The following LRBA variants were observed in gnomAD, a reference collection of about 807,000 sequenced individuals.
LRBA encodes lipopolysaccharide-responsive and beige-like anchor protein.
LRBA carries 176 observed loss-of-function variants against 330.0 expected under a neutral mutation model. The ratio of observed to expected loss-of-function variants is 0.53; its 90% CI spans 0.47 to 0.60. The LOEUF is 0.60. LRBA is among the 20% of genes least tolerant of loss of function. LRBA has a pLI of 0.00. For missense variants in LRBA, 3,259 were observed against 3,444.8 expected (o/e 0.95, Z 1.35); for synonymous variants, 1,230 against 1,193.0 (o/e 1.03, Z -0.64).
intron 22 of LRBA, among the ~76,000 whole-genome samples, chr4:150,866,734 C>T (rs80215217): frequency 0.019 from 2,839 of 152,102 alleles, 88 homozygotes; most frequent in African/African-American, 0.064. Context: ...AATAAATAGT[C>T]ATGTCATGCA....
chr4:150,500,979 GA>G (rs1760185432), intron 40 of LRBA, among the ~76,000 whole-genome samples: 1 of 152,138 alleles, frequency 6.6e-6, no homozygotes, highest in South Asian at 2.1e-4. Flanking sequence ...AGTTATAAAT[GA>G]ATAGTACAGA....
intron 31 of LRBA, among the ~76,000 whole-genome samples, chr4:150,811,500 GT>G (rs1334105594): frequency 6.6e-6 from 1 of 151,592 alleles, no homozygotes; most frequent in Admixed American, 6.6e-5. Flanking sequence ...GGTTTATTGG[GT>G]TTTTTGTTTT....
At position 150,302,695 on chromosome 4, in the gene LRBA, C is replaced by T. The variant is rs1729828968; in HGVS notation, c.7947G>A (p.Gly2649=). 6.2e-7 allele frequency: 1 copy of T among 1,612,966 alleles called. No individual in the cohort carries two copies. The change falls in exon 53 of 57, where the codon GGG becomes GGA. Residue 2649 remains glycine (G), a synonymous_variant. Transcript: ENST00000651943. The part of the protein sequence containing the change: ...YIGGNCYILS[G]SRDATLLLWY... ...ACAGCAAAAGAGTTGCATCACGTGA[C>T]CCTGAGAGAATGTAGCAATTTCCCC...
chr4:150,772,397 A>C (rs1392527594), intron 34 of LRBA, among the ~76,000 whole-genome samples: 2 of 152,170 alleles, frequency 1.3e-5, no homozygotes, highest in African/African-American at 4.8e-5. Flanking sequence ...TATTTGGGCC[A>C]CTTCATGCAA....
intron 2 of LRBA, among the ~76,000 whole-genome samples, chr4:150,939,748 G>T (rs773406071): frequency 2.0e-5 from 3 of 152,050 alleles, no homozygotes; most frequent in Non-Finnish European, 4.4e-5. Flanking sequence ...CTACAACACC[G>T]TACTCTCCTT....
chr4:150,393,211 T>C (rs141470294), intron 47 of LRBA, among the ~76,000 whole-genome samples: 3 of 152,310 alleles, frequency 2.0e-5, no homozygotes, highest in East Asian at 3.9e-4. Flanking sequence ...GTAGAGATTA[T>C]ATATATTCAT....
Position 150,436,941 on chromosome 4 carries a change from C to A in LRBA, c.6781-77G>T, listed in dbSNP as rs1046052736. The A allele has an allele frequency of 2.3e-6, 3 of 1,291,838 alleles. No individual in the cohort carries two copies. The Admixed American group carries it at 5.6e-5, about 24-fold the overall frequency. 80.0% of individuals were successfully genotyped at this position (1,291,838 alleles called of 1,614,324 possible). A position where few individuals can be genotyped will look rare whatever the true frequency, so the allele number is the denominator to read the frequency against. On this transcript the variant is annotated intron_variant, in intron 44 of 56. Transcript: ENST00000651943. ...ATGTCTTCCTCTCTTCTGATGATAT[C>A]CTACTGGTAAGTATAAAAGTGAATT... is the stretch of plus-strand genomic sequence containing the variant.
At chr4:150,921,115 G>T (rs1015290038) in intron 5 of LRBA, 83 bp downstream of exon 5, 2 of 848,560 alleles carry the variant, frequency 2.4e-6, no homozygotes, top group Non-Finnish European at 2.0e-6. Flanking sequence ...CACAGAACCT[G>T]TCAGGGGTGT....
At chr4:151,010,672 G>A (rs545423187) in intron 2 of LRBA, among the ~76,000 whole-genome samples, 33 of 151,708 alleles carry the variant, frequency 2.2e-4, no homozygotes, top group Non-Finnish European at 3.5e-4. Flanking sequence ...ACCTGAGGTC[G>A]GGAGTTCAAG....
At chr4:150,954,762 TA>T (rs1210152348) in intron 2 of LRBA, among the ~76,000 whole-genome samples, 1 of 59,144 alleles carries the variant, frequency 1.7e-5, no homozygotes, top group Non-Finnish European at 3.3e-5. Context: ...GAATGATCAA[TA>T]AATACTAAAA....
At chr4:150,299,531 C>A (rs1195396195) in intron 53 of LRBA, among the ~76,000 whole-genome samples, 3 of 152,064 alleles carry the variant, frequency 2.0e-5, no homozygotes, top group Admixed American at 6.5e-5. Context: ...TAGGTTTTAT[C>A]CAGTTTGAAT....
chr4:150,873,235 CTAAAAA>C (rs1171024089), intron 17 of LRBA, among the ~76,000 whole-genome samples: 1 of 152,040 alleles, frequency 6.6e-6, no homozygotes, highest in Non-Finnish European at 1.5e-5. Context: ...CAAAGAACTG[CTAAAAA>C]TAAATTTCTC....
chr4:150,982,932 T>C (rs1257279314), intron 2 of LRBA, among the ~76,000 whole-genome samples: 1 of 152,144 alleles, frequency 6.6e-6, no homozygotes, highest in Admixed American at 6.5e-5. Flanking sequence ...GAAAACTGTA[T>C]ACCAAATTAT....
At chr4:150,749,394 A>T (rs1422066130) in intron 35 of LRBA, among the ~76,000 whole-genome samples, 1 of 152,014 alleles carries the variant, frequency 6.6e-6, no homozygotes, top group East Asian at 1.9e-4. Context: ...ACATAGAGAG[A>T]CTCCACGTCT....
chr4:150,628,306 C>T (rs1341044046), intron 37 of LRBA, among the ~76,000 whole-genome samples: 3 of 152,070 alleles, frequency 2.0e-5, no homozygotes, highest in Non-Finnish European at 4.4e-5. Context: ...CAATCAAGAT[C>T]CAATCGGGTA....
At chr4:150,709,220 T>A (rs189394040) in intron 36 of LRBA, among the ~76,000 whole-genome samples, 52 of 152,006 alleles carry the variant, frequency 3.4e-4, no homozygotes, top group African/African-American at 1.2e-3. Context: ...TTGGAAACCA[T>A]GTTCCTTCTA....
At chr4:150,950,587 T>G (rs1272470042) in intron 2 of LRBA, among the ~76,000 whole-genome samples, 1 of 139,712 alleles carries the variant, frequency 7.2e-6, no homozygotes, top group Admixed American at 7.2e-5. Flanking sequence ...AAAAAAAAAA[T>G]GTACTTTTAG....
intron 2 of LRBA, among the ~76,000 whole-genome samples, chr4:151,010,123 T>C (rs1050962466): frequency 3.3e-5 from 5 of 152,178 alleles, no homozygotes; most frequent in Non-Finnish European, 7.3e-5. Flanking sequence ...TGGTATCCAC[T>C]AGGGGTTCTG....
At chr4:150,961,555 C>T (rs1013704285) in intron 2 of LRBA, among the ~76,000 whole-genome samples, 5 of 148,874 alleles carry the variant, frequency 3.4e-5, no homozygotes, top group African/African-American at 1.3e-4. Context: ...TTTAAAAATA[C>T]CAGTCTTATT....
Sources: gnomAD v4.1 joint callset for allele counts (sites outside exome capture counted in the v4.1 genomes callset) on GRCh38, gnomAD v4.1.1 for gene constraint, MANE v1.5 for transcripts, NCBI Gene and HGNC (gene_info 2026-07-23, HGNC 2026-07-21) for gene names.